The following PBX3 variants were observed in gnomAD, a reference collection of about 807,000 sequenced individuals.
PBX3 encodes pre-B-cell leukemia transcription factor 3.
Under a neutral mutation model 48.5 loss-of-function variants are expected in PBX3, and 14 were observed. The ratio of observed to expected loss-of-function variants is 0.29; its 90% CI spans 0.19 to 0.45. PBX3 has a LOEUF of 0.45. Among genes scored for constraint, PBX3 ranks in the 20% least tolerant of loss-of-function variants. The pLI is 1.00. For missense variants in PBX3, 386 were observed against 546.7 expected (o/e 0.71, Z 2.93); for synonymous variants, 210 against 200.3 (o/e 1.05, Z -0.41).
intron 2 of PBX3, among the ~76,000 whole-genome samples, chr9:125,803,739 G>A (rs145237582): frequency 1.2e-4 from 18 of 152,226 alleles, no homozygotes; most frequent in South Asian, 4.1e-4. Context: ...GACTACTCTC[G>A]TTTATTTTTT....
At chr9:125,754,098 A>G (rs1836448523) in intron 2 of PBX3, among the ~76,000 whole-genome samples, 1 of 152,130 alleles carries the variant, frequency 6.6e-6, no homozygotes, top group East Asian at 1.9e-4. Context: ...ATAAATGCTT[A>G]ACACATCAGC....
intron 2 of PBX3, among the ~76,000 whole-genome samples, chr9:125,852,109 G>A (rs1455238925): frequency 6.6e-6 from 1 of 152,102 alleles, no homozygotes; most frequent in Non-Finnish European, 1.5e-5. Context: ...AGTGGACGCT[G>A]TAATAAAAAT....
rs145392560 is a variant in PBX3 at position 125,932,597 on chromosome 9, C to G, written c.707+2752C>G. Among the ~76,000 whole-genome samples the G allele has an allele frequency of 4.6e-5, 7 of 152,044 alleles. No individual in the cohort carries two copies. The South Asian group carries it at 1.2e-3, about 27-fold the overall frequency. Reference sequence around the variant, plus strand: ...TCAGGGTTAGAGAGGTAGCATCAGACGACAAAAAACATTTTAAAATTATTT... The same window carrying G: ...TCAGGGTTAGAGAGGTAGCATCAGAGGACAAAAAACATTTTAAAATTATTT... On this transcript the variant is annotated intron_variant, in intron 4 of 8. Transcript: ENST00000373489.
chr9:125,756,718 G>T (rs1359439104), intron 2 of PBX3, among the ~76,000 whole-genome samples: 1 of 152,204 alleles, frequency 6.6e-6, no homozygotes, highest in Non-Finnish European at 1.5e-5. Context: ...TGTGATGCCT[G>T]TTAATGGTAA....
intron 2 of PBX3, among the ~76,000 whole-genome samples, chr9:125,877,050 G>T (rs1056722729): frequency 6.6e-6 from 1 of 152,076 alleles, no homozygotes; most frequent in Non-Finnish European, 1.5e-5. Context: ...GGGATTACAG[G>T]CGTGAGCCAC....
At position 125,824,075 on chromosome 9, in the gene PBX3, CAAA is replaced by C. The variant is rs57963250; in HGVS notation, c.274+75466_274+75468del. 3.0e-3 allele frequency among the ~76,000 whole-genome samples: 328 copies of C among 107,754 alleles called. 1 individual carries two copies. The highest frequency in any genetic ancestry group is 0.01 in the African/African-American group (310 of 29,834). 70.7% of individuals were successfully genotyped at this position (107,754 alleles called of 152,430 possible). A position where few individuals can be genotyped will look rare whatever the true frequency, so the allele number is the denominator to read the frequency against. Reference sequence around the variant, plus strand: ...TGGGTGACAGAGCAAGACTTTGTCTCAAAAAAAAAAAAAAAATGTAGGCTAAAG... The same window carrying C: ...TGGGTGACAGAGCAAGACTTTGTCTCAAAAAAAAAAAAATGTAGGCTAAAG... On this transcript the variant is annotated intron_variant, in intron 2 of 8. Transcript: ENST00000373489.
At chr9:125,815,782 C>T (rs1055888371) in intron 2 of PBX3, among the ~76,000 whole-genome samples, 5 of 151,924 alleles carry the variant, frequency 3.3e-5, no homozygotes, top group African/African-American at 1.2e-4. Context: ...TTTACTGCCC[C>T]ATTTCCTGTT....
intron 2 of PBX3, among the ~76,000 whole-genome samples, chr9:125,846,026 G>T (rs1457896184): frequency 6.6e-6 from 1 of 152,050 alleles, no homozygotes; most frequent in Non-Finnish European, 1.5e-5. Context: ...TGTAAAGTTT[G>T]TAAAAAATAA....
At chr9:125,798,176 T>C (rs1316368285) in intron 2 of PBX3, among the ~76,000 whole-genome samples, 1 of 152,142 alleles carries the variant, frequency 6.6e-6, no homozygotes, top group African/African-American at 2.4e-5. Flanking sequence ...AGGTACAAAG[T>C]TCACAGTAAT....
intron 2 of PBX3, among the ~76,000 whole-genome samples, chr9:125,799,765 A>T (rs1271708616): frequency 6.6e-6 from 1 of 152,324 alleles, no homozygotes; most frequent in African/African-American, 2.4e-5. Flanking sequence ...TAAAAATGTC[A>T]TGAGCTAGAA....
intron 2 of PBX3, among the ~76,000 whole-genome samples, chr9:125,874,161 A>G (rs1289261462): frequency 1.3e-5 from 2 of 152,174 alleles, no homozygotes; most frequent in Admixed American, 6.5e-5. Context: ...GATACAGAAA[A>G]TGTTCGTAAT....
intron 2 of PBX3, among the ~76,000 whole-genome samples, chr9:125,749,756 C>A (rs546091268): frequency 6.6e-6 from 1 of 152,030 alleles, no homozygotes; most frequent in African/African-American, 2.4e-5. Flanking sequence ...GGTTGATAGG[C>A]GAGTCAGCCT....
At chr9:125,809,734 A>T (rs750347891) in intron 2 of PBX3, among the ~76,000 whole-genome samples, 1 of 152,230 alleles carries the variant, frequency 6.6e-6, no homozygotes, top group Non-Finnish European at 1.5e-5. Context: ...CTGATCATCA[A>T]TGTAAACCAT....
At chr9:125,775,704 AG>A (rs1837054166) in intron 2 of PBX3, among the ~76,000 whole-genome samples, 1 of 152,138 alleles carries the variant, frequency 6.6e-6, no homozygotes, top group African/African-American at 2.4e-5. Context: ...TTCTTTTTCA[AG>A]ATTGTTTTGG....
At chr9:125,881,592 A>T (rs1299024631) in intron 2 of PBX3, among the ~76,000 whole-genome samples, 1 of 151,766 alleles carries the variant, frequency 6.6e-6, no homozygotes, top group African/African-American at 2.4e-5. Flanking sequence ...CCAAATTTTT[A>T]TTTTTTTACT....
chr9:125,931,207 C>G (rs1841706480), intron 4 of PBX3, among the ~76,000 whole-genome samples: 1 of 152,054 alleles, frequency 6.6e-6, no homozygotes, highest in Admixed American at 6.5e-5. Context: ...AAAAAATTTA[C>G]CATGAATACA....
chr9:125,807,455 T>TGGTAGA (rs1838161224), intron 2 of PBX3, among the ~76,000 whole-genome samples: 1 of 152,238 alleles, frequency 6.6e-6, no homozygotes, highest in African/African-American at 2.4e-5. Flanking sequence ...ATGAGCACTC[T>TGGTAGA]GGTAGAGGTT....
intron 5 of PBX3, among the ~76,000 whole-genome samples, chr9:125,954,951 A>T (rs1013214699): frequency 6.6e-6 from 1 of 152,232 alleles, no homozygotes; most frequent in African/African-American, 2.4e-5. Flanking sequence ...CATTTATGAC[A>T]TACTGGAATA....
chr9:125,827,473 A>C (rs1838840990), intron 2 of PBX3, among the ~76,000 whole-genome samples: 1 of 152,108 alleles, frequency 6.6e-6, no homozygotes, highest in African/African-American at 2.4e-5. Context: ...CATGTGAAAA[A>C]TGCTTTTACT....
Sources: allele counts gnomAD v4.1 joint callset (sites outside exome capture counted in the v4.1 genomes callset), GRCh38; gene constraint gnomAD v4.1.1; transcripts MANE v1.5; gene names NCBI Gene and HGNC (gene_info 2026-07-23, HGNC 2026-07-21).